KIF3C: variants seen among roughly 807,000 people sequenced by gnomAD.
KIF3C encodes kinesin family member 3C, also known as kinesin-like protein KIF3C.
KIF3C carries 12 observed loss-of-function variants against 67.7 expected under a neutral mutation model. The ratio of observed to expected loss-of-function variants is 0.18; its 90% confidence interval spans 0.11 to 0.29. KIF3C has a LOEUF of 0.29. Among genes scored for constraint, KIF3C ranks in the 10% least tolerant of loss-of-function variants. KIF3C has a pLI of 1.00. For synonymous variants in KIF3C, 393 were observed against 426.2 expected (o/e 0.92, Z 0.96); for missense variants, 789 against 1,059.6 (o/e 0.74, Z 3.55).
intron 1 of KIF3C, among the ~76,000 whole-genome samples, chr2:25,972,641 G>A (rs1664311375): frequency 6.6e-6 from 1 of 152,206 alleles, no homozygotes; most frequent in Non-Finnish European, 1.5e-5. Flanking sequence ...TGTCCTTGGG[G>A]ACATGTGGAT....
At chr2:25,963,612 A>G (rs1358123362) in intron 1 of KIF3C, among the ~76,000 whole-genome samples, 2 of 151,650 alleles carry the variant, frequency 1.3e-5, no homozygotes, top group Admixed American at 1.3e-4. Context: ...GACTTAAACT[A>G]CTGCCAGCAG....
At chr2:25,962,578 T>C (rs4665295) in intron 1 of KIF3C, among the ~76,000 whole-genome samples, 19,414 of 149,026 alleles carry the variant, frequency 0.13, 3,579 homozygotes, top group East Asian at 0.88. Context: ...GGTTTCTCCA[T>C]GTTGGTCAGG....
chr2:25,937,670 G>A (rs1191658080), intron 5 of KIF3C, among the ~76,000 whole-genome samples: 3 of 152,188 alleles, frequency 2.0e-5, no homozygotes, highest in Non-Finnish European at 4.4e-5. Context: ...AGAAGACTGA[G>A]GCTCAGGGAG....
At position 25,982,250 on chromosome 2, in the gene KIF3C, CA is replaced by C. The variant is rs1203873355; in HGVS notation, c.-334del. ...GCGCTGCCGTAAACAGCTTCGGCAA[CA>C]ATGAGATAAAGGAAGAGGAAAATGG... On this transcript the variant is annotated 5_prime_UTR_variant, in exon 1 of 8. In the 5' UTR this introduces an upstream ATG that the reference lacks. Coordinates refer to ENST00000264712, the MANE Select transcript of KIF3C (RefSeq NM_002254.8). 1 of 415,638 alleles carries C rather than the reference CA, an allele frequency of 2.4e-6. No homozygotes were observed. The highest frequency in any genetic ancestry group is 2.0e-5 in the African/African-American group (1 of 48,866). 25.7% of individuals were successfully genotyped at this position (415,638 alleles called of 1,614,324 possible). A position where few individuals can be genotyped will look rare whatever the true frequency, so the allele number is the denominator to read the frequency against.
Position 25,936,264 on chromosome 2 carries a change from C to G in KIF3C, c.2007-6201G>C, listed in dbSNP as rs554202218. On this transcript the variant is annotated intron_variant, in intron 5 of 7. Coordinates refer to ENST00000264712, the MANE Select transcript of KIF3C (RefSeq NM_002254.8). ...CTATGTTGTCCAGGCTGGTCTCAAACTCCTGGCCTCAAGTGATCCCCCAGC... is the reference window on the plus strand; with the variant it reads ...CTATGTTGTCCAGGCTGGTCTCAAAGTCCTGGCCTCAAGTGATCCCCCAGC... Among the ~76,000 whole-genome samples, 50 of 152,282 alleles carry G rather than the reference C, an allele frequency of 3.3e-4. No homozygotes were observed. The South Asian group carries it at 9.7e-3, about 30-fold the overall frequency.
At chr2:25,974,018 A>G (rs1478977191) in intron 1 of KIF3C, among the ~76,000 whole-genome samples, 1 of 152,130 alleles carries the variant, frequency 6.6e-6, no homozygotes, top group African/African-American at 2.4e-5. Context: ...TTTACTTAAC[A>G]CTTGTGTGCC....
intron 1 of KIF3C, among the ~76,000 whole-genome samples, chr2:25,966,766 A>G (rs1277874907): frequency 6.6e-6 from 1 of 152,176 alleles, no homozygotes; most frequent in Non-Finnish European, 1.5e-5. Context: ...TGCCACTGCC[A>G]CCTATCTGTG....
At chr2:25,941,418 C>A (rs1663280409) in intron 5 of KIF3C, among the ~76,000 whole-genome samples, 1 of 152,066 alleles carries the variant, frequency 6.6e-6, no homozygotes, top group Non-Finnish European at 1.5e-5. Context: ...GGTATGGATG[C>A]TGTCACATAT....
intron 1 of KIF3C, among the ~76,000 whole-genome samples, chr2:25,971,354 C>T (rs1415919517): frequency 2.0e-5 from 3 of 147,840 alleles, no homozygotes; most frequent in African/African-American, 5.0e-5. Context: ...GCAGGGGAAT[C>T]GCTTGAACCC....
intron 1 of KIF3C, among the ~76,000 whole-genome samples, chr2:25,962,605 G>A (rs576572483): frequency 4.7e-5 from 7 of 148,864 alleles, no homozygotes; most frequent in Admixed American, 7.0e-5. Flanking sequence ...TTGAACTCCC[G>A]ACCTATGGTG....
chr2:25,929,655 G>A (rs1313507521), intron 6 of KIF3C, among the ~76,000 whole-genome samples, 178 bp from the exon 7 acceptor site: 2 of 150,808 alleles, frequency 1.3e-5, no homozygotes, highest in Admixed American at 6.6e-5. Flanking sequence ...TCACTCTGTT[G>A]CCCAGGCTGG....
At chr2:25,945,177 T>A (rs189176243) in intron 5 of KIF3C, among the ~76,000 whole-genome samples, 4 of 152,040 alleles carry the variant, frequency 2.6e-5, no homozygotes, top group Non-Finnish European at 4.4e-5. Flanking sequence ...TGGTATTCAT[T>A]TAGAAGAGTT....
intron 5 of KIF3C, among the ~76,000 whole-genome samples, chr2:25,935,895 G>T (rs1663096392): frequency 6.6e-6 from 1 of 151,368 alleles, no homozygotes; most frequent in Non-Finnish European, 1.5e-5. Flanking sequence ...GGCTAACACG[G>T]TGAAACCCCA....
Position 25,980,150 on chromosome 2 carries a change from T to A in KIF3C, c.1545+223A>T, listed in dbSNP as rs964169511. ...AAGCTCACTGGCTTGAGAGACCGCCTGTCCACGTTGCTTCGTGTGTGTGTG... is the reference window on the plus strand; with the variant it reads ...AAGCTCACTGGCTTGAGAGACCGCCAGTCCACGTTGCTTCGTGTGTGTGTG... On this transcript the variant is annotated intron_variant, in intron 1 of 7. Transcript: ENST00000264712. The surrounding 1 kb of genome is among the most constrained non-coding windows in gnomAD (Gnocchi z 7.6). Among the ~76,000 whole-genome samples, 1 of 152,172 alleles carries A rather than the reference T, an allele frequency of 6.6e-6. No homozygotes were observed. Among genetic ancestry groups the A allele is most frequent in the African/African-American group, 2.4e-5 (1 of 41,444 alleles).
At chr2:25,933,867 A>G (rs2090482912) in intron 5 of KIF3C, among the ~76,000 whole-genome samples, 1 of 152,328 alleles carries the variant, frequency 6.6e-6, no homozygotes, top group South Asian at 2.1e-4. Context: ...ACTACTAGGC[A>G]TATACTCAAG....
Position 25,930,048 on chromosome 2 carries a change from C to T in KIF3C, c.2022G>A (p.Met674Ile), listed in dbSNP as rs146916587. The T allele has an allele frequency of 9.6e-5, 155 of 1,613,856 alleles. No homozygotes were observed. The highest frequency in any genetic ancestry group is 1.2e-4 in the Non-Finnish European group (139 of 1,179,828). The change falls in exon 6 of 8, where the codon ATG (methionine) becomes ATA (isoleucine). Residue 674 changes from methionine (M) to isoleucine (I), a missense_variant. Physicochemically the swap from Met to Ile is conservative, Grantham distance 10. Transcript: ENST00000264712. ...CCACTGCAGATGTTGGCCGCTTCTT[C>T]ATCTGGCTGCTACTGCTGTAGGAAA... ...LVPAGVSSSQ[M>I]KKRPTSAVGY...
rs749386208 is a variant in KIF3C, at chr2:25,981,937, T to G, written c.-20A>C. On this transcript the variant is annotated 5_prime_UTR_variant, in exon 1 of 8. Coordinates refer to ENST00000264712, the MANE Select transcript of KIF3C (RefSeq NM_002254.8). The surrounding 1 kb of genome is among the most constrained non-coding windows in gnomAD (Gnocchi z 8.2). ...GGCCATCTTGCTGCTCTGACCTTCC[T>G]GCCCCCGAGCCCCTCCGCAGCCTGG... is the stretch of plus-strand genomic sequence containing the variant. The G allele has an allele frequency of 4.9e-5, 75 of 1,515,428 alleles. No homozygotes were observed. The East Asian group carries it at 1.6e-3, about 33-fold the overall frequency. The allele number at this position is 1,515,428 out of a possible 1,614,324, so 93.9% of individuals were successfully genotyped here.
intron 5 of KIF3C, among the ~76,000 whole-genome samples, chr2:25,947,628 A>G (rs976225474): frequency 1.3e-5 from 2 of 152,190 alleles, no homozygotes; most frequent in African/African-American, 4.8e-5. Flanking sequence ...TAATTAAAGT[A>G]TGCTGTTTTA....
At chr2:25,937,747 T>C (rs1663172302) in intron 5 of KIF3C, among the ~76,000 whole-genome samples, 2 of 152,124 alleles carry the variant, frequency 1.3e-5, no homozygotes, top group Non-Finnish European at 2.9e-5. Flanking sequence ...TCTTCCCATA[T>C]ACTCCTTTTA....
Sources: allele counts gnomAD v4.1 joint callset (sites outside exome capture counted in the v4.1 genomes callset), GRCh38; gene constraint gnomAD v4.1.1; non-coding constraint Gnocchi (gnomAD v3.1); transcripts MANE v1.5; gene names NCBI Gene and HGNC (gene_info 2026-07-23, HGNC 2026-07-21).